FAM13B: variants seen among roughly 807,000 people sequenced by gnomAD.
FAM13B encodes the protein family with sequence similarity 13 member B.
FAM13B carries 60 observed loss-of-function variants against 117.3 expected under a neutral mutation model. The observed-to-expected ratio is 0.51, with a 90% CI of 0.42 to 0.63. FAM13B has a LOEUF of 0.63. FAM13B is among the 30% of genes least tolerant of loss of function. The pLI, the probability that FAM13B is intolerant of heterozygous loss-of-function variation, is 0.00. For missense variants in FAM13B, 972 were observed against 1,091.9 expected (o/e 0.89, Z 1.55); for synonymous variants, 332 against 356.1 (o/e 0.93, Z 0.76).
chr5:138,029,106 C>T (rs17171711), intron 1 of FAM13B, among the ~76,000 whole-genome samples: 18,359 of 152,242 alleles, frequency 0.12, 1,486 homozygotes, highest in Non-Finnish European at 0.18. Context: ...ACTGATGCTA[C>T]CATTTCCAGT....
At chr5:137,945,116 AAAAG>A (rs919050698) in intron 20 of FAM13B, among the ~76,000 whole-genome samples, 13 of 152,192 alleles carry the variant, frequency 8.5e-5, no homozygotes, top group African/African-American at 2.4e-4. Context: ...TAGGAAAAAA[AAAAG>A]AAAGTCACCA....
chr5:137,978,206 T>C (rs1178827663), intron 10 of FAM13B, among the ~76,000 whole-genome samples: 1 of 152,226 alleles, frequency 6.6e-6, no homozygotes, highest in Non-Finnish European at 1.5e-5. Flanking sequence ...TAGGACTTTT[T>C]GTGTTTCCCA....
intron 10 of FAM13B, among the ~76,000 whole-genome samples, chr5:137,964,446 C>A (rs2150324628): frequency 6.7e-6 from 1 of 149,482 alleles, no homozygotes; most frequent in Admixed American, 6.6e-5. Flanking sequence ...TGGGGCCAGG[C>A]ACAGTGGCTC....
At chr5:138,011,619 C>T (rs978039389) in intron 5 of FAM13B, 149 bp downstream of exon 5, 35 of 515,254 alleles carry the variant, frequency 6.8e-5, no homozygotes, top group Admixed American at 3.9e-4. Context: ...GGGGTTTCAC[C>T]GTGTTAGCCA....
chr5:138,006,226 A>G (rs1782539354), intron 7 of FAM13B, among the ~76,000 whole-genome samples: 1 of 152,000 alleles, frequency 6.6e-6, no homozygotes, highest in African/African-American at 2.4e-5. Context: ...CCACCCTTCC[A>G]CTGAACACAA....
intron 7 of FAM13B, 84 bp from the exon 8 acceptor site, chr5:137,988,399 T>C (rs1380413336): frequency 9.8e-7 from 1 of 1,023,326 alleles, no homozygotes; most frequent in Non-Finnish European, 1.5e-6. Context: ...ATATTTGCAC[T>C]ACCTTGACAC....
Position 138,026,628 on chromosome 5 carries a change from C to CAAAA in FAM13B, c.-202-5435_-202-5432dup, listed in dbSNP as rs56195021. Among the ~76,000 whole-genome samples the CAAAA allele has an allele frequency of 5.1e-4, 15 of 29,436 alleles. 1 individual carries two copies. The highest frequency in any genetic ancestry group is 2.0e-3 in the African/African-American group (13 of 6,662). The allele number at this position is 29,436 out of a possible 152,430, so 19.3% of individuals were successfully genotyped here. Reference sequence around the variant, plus strand: ...TGGGCACCAGAGAGGGACCGTGTCTCAAAAAAAAAAAAAAAAAAAAAAAAA... The same window carrying CAAAA: ...TGGGCACCAGAGAGGGACCGTGTCTCAAAAAAAAAAAAAAAAAAAAAAAAAAAAA... On this transcript the variant is annotated intron_variant, in intron 1 of 23. Transcript: ENST00000689681.
upstream of FAM13B, among the ~76,000 whole-genome samples, chr5:138,034,698 G>A (rs1790908905): frequency 6.6e-6 from 1 of 152,182 alleles, no homozygotes; most frequent in Admixed American, 6.5e-5. Flanking sequence ...CCTGATTTCA[G>A]AGCAGCCCAG....
Position 138,031,101 on chromosome 5 carries a change from G to A in FAM13B, c.-203+1681C>T, listed in dbSNP as rs1789869554. Among the ~76,000 whole-genome samples, 4 of 151,990 alleles carry A rather than the reference G, an allele frequency of 2.6e-5. No individual in the cohort carries two copies. The South Asian group carries it at 8.3e-4, about 32-fold the overall frequency. ...TTTAAAATTTGAATACGATGATGGA[G>A]GAGCTATGCAGCGATGGATTGAGGT... On this transcript the variant is annotated intron_variant, in intron 1 of 23. Transcript: ENST00000689681.
intron 1 of FAM13B, among the ~76,000 whole-genome samples, chr5:138,029,482 A>G (rs985309846): frequency 1.3e-5 from 2 of 152,234 alleles, no homozygotes; most frequent in South Asian, 2.1e-4. Context: ...GAAAAAGAGA[A>G]TATTTTACAA....
intron 10 of FAM13B, among the ~76,000 whole-genome samples, chr5:137,968,828 T>G (rs538387402): frequency 3.8e-4 from 58 of 152,200 alleles, no homozygotes; most frequent in Non-Finnish European, 5.0e-4. Context: ...TTCCCTTTCC[T>G]AGTCAAAGAA....
Position 138,033,033 on chromosome 5 carries a change from G to A in FAM13B, c.-454C>T. On this transcript the variant is annotated 5_prime_UTR_variant, in exon 1 of 24. Transcript: ENST00000689681. ...GGGAGAGAGTGGCGACAGAGGCGGC[G>A]GCTGAGGTGCAGAGCCTCCCTAACG... 3 of 986,900 alleles carry A rather than the reference G, an allele frequency of 3.0e-6. No individual in the cohort carries two copies. Among genetic ancestry groups the A allele is most frequent in the South Asian group, 4.7e-5 (1 of 21,344 alleles). The allele number at this position is 986,900 out of a possible 1,614,324, so 61.1% of individuals were successfully genotyped here.
intron 4 of FAM13B, among the ~76,000 whole-genome samples, chr5:138,015,880 C>T (rs1294210832): frequency 6.6e-6 from 1 of 152,150 alleles, no homozygotes; most frequent in Admixed American, 6.6e-5. Flanking sequence ...ATTAAAGAAA[C>T]GGGTGTATAT....
chr5:137,955,033 A>C (rs1766111886), intron 14 of FAM13B, among the ~76,000 whole-genome samples: 1 of 150,932 alleles, frequency 6.6e-6, no homozygotes, highest in Non-Finnish European at 1.5e-5. Flanking sequence ...TATTTAATAT[A>C]ATTCTGAACT....
chr5:137,968,821 C>T (rs188920548), intron 10 of FAM13B, among the ~76,000 whole-genome samples: 18 of 152,302 alleles, frequency 1.2e-4, no homozygotes, highest in Non-Finnish European at 2.1e-4. Context: ...CAGGGAGTTC[C>T]CTTTCCTAGT....
intron 10 of FAM13B, among the ~76,000 whole-genome samples, chr5:137,981,452 A>T (rs537486765): frequency 6.6e-6 from 1 of 151,944 alleles, no homozygotes; most frequent in Admixed American, 6.6e-5. Flanking sequence ...CTCTAAAAAT[A>T]AAAATTAAAA....
intron 1 of FAM13B, among the ~76,000 whole-genome samples, chr5:138,027,311 C>A (rs1238020591): frequency 6.6e-6 from 1 of 152,158 alleles, no homozygotes; most frequent in Non-Finnish European, 1.5e-5. Context: ...ATAAATACAT[C>A]CCTATTATCA....
At chr5:137,954,039 CTCTT>C (rs1273758838) in intron 15 of FAM13B, 123 bp downstream of exon 15, 27 of 621,624 alleles carry the variant, frequency 4.3e-5, no homozygotes, top group African/African-American at 2.1e-5. Context: ...CTCAATCTCT[CTCTT>C]TTTTTTTTTT....
intron 1 of FAM13B, among the ~76,000 whole-genome samples, chr5:138,046,895 AC>A (rs1311906442): frequency 1.3e-5 from 2 of 151,880 alleles, no homozygotes; most frequent in African/African-American, 4.8e-5. Flanking sequence ...ACAGGCACCC[AC>A]CACCACGCCC....
Sources: allele counts gnomAD v4.1 joint callset (sites outside exome capture counted in the v4.1 genomes callset), GRCh38; gene constraint gnomAD v4.1.1; transcripts MANE v1.5; gene names NCBI Gene and HGNC (gene_info 2026-07-23, HGNC 2026-07-21).